The following SLC25A21 variants were observed in gnomAD, a reference collection of about 807,000 sequenced individuals.
SLC25A21 encodes the protein mitochondrial 2-oxodicarboxylate carrier.
A neutral mutation model predicts 43.8 loss-of-function variants in SLC25A21; 47 were observed. The ratio of observed to expected loss-of-function variants is 1.07; its 90% CI spans 0.85 to 1.37. The LOEUF (loss-of-function observed/expected upper bound fraction) is 1.37, where lower values mean the gene tolerates loss of function less well. Among genes scored for constraint, SLC25A21 ranks in the 40% most tolerant of loss-of-function variants. SLC25A21 has a pLI of 0.00. For synonymous variants in SLC25A21, 131 were observed against 121.3 expected (o/e 1.08, Z -0.52); for missense variants, 352 against 350.2 (o/e 1.00, Z -0.04).
chr14:36,924,519 C>T (rs1299859058), intron 1 of SLC25A21, among the ~76,000 whole-genome samples: 1 of 151,572 alleles, frequency 6.6e-6, no homozygotes, highest in Non-Finnish European at 1.5e-5. Context: ...CACACTGGGG[C>T]CTGTTGTGGG....
At chr14:36,740,421 G>A (rs1345906904) in intron 3 of SLC25A21, among the ~76,000 whole-genome samples, 1 of 152,146 alleles carries the variant, frequency 6.6e-6, no homozygotes, top group Non-Finnish European at 1.5e-5. Context: ...AGACTAATGA[G>A]AGGTATTTTT....
chr14:36,994,040 C>G (rs1284612662), intron 1 of SLC25A21, among the ~76,000 whole-genome samples: 1 of 152,002 alleles, frequency 6.6e-6, no homozygotes, highest in Non-Finnish European at 1.5e-5. Flanking sequence ...ATTAGTAACC[C>G]TAGAGATTAG....
At chr14:36,946,542 T>A (rs574900637) in intron 1 of SLC25A21, among the ~76,000 whole-genome samples, 2 of 152,314 alleles carry the variant, frequency 1.3e-5, no homozygotes, top group African/African-American at 4.8e-5. Context: ...CATTAACATG[T>A]GCCCTTAAAC....
At chr14:36,766,937 C>T (rs1045849573) in intron 3 of SLC25A21, among the ~76,000 whole-genome samples, 2 of 152,192 alleles carry the variant, frequency 1.3e-5, no homozygotes, top group African/African-American at 4.8e-5. Flanking sequence ...TCAGCCTCTA[C>T]TGCGGTCAAT....
rs1339278477 is a variant in SLC25A21, at chr14:36,871,612, AT to A, written c.119+3343del. ...CAACATACATGTACTATTTTGATAAATATTAAAATAAATAACATAAACCATA... is the reference window on the plus strand; with the variant it reads ...CAACATACATGTACTATTTTGATAAAATTAAAATAAATAACATAAACCATA... On this transcript the variant is annotated intron_variant, in intron 2 of 9. Transcript: ENST00000331299. Among the ~76,000 whole-genome samples the A allele has an allele frequency of 7.9e-5, 12 of 152,330 alleles. No individual in the cohort carries two copies. The South Asian group carries it at 2.3e-3, about 29-fold the overall frequency.
chr14:36,779,823 T>C (rs983324029), intron 3 of SLC25A21, among the ~76,000 whole-genome samples: 1 of 151,510 alleles, frequency 6.6e-6, no homozygotes, highest in African/African-American at 2.4e-5. Context: ...AGAAGTGGGA[T>C]TTCTGGATAC....
chr14:36,914,457 A>T (rs914393624), intron 1 of SLC25A21, among the ~76,000 whole-genome samples: 4 of 152,234 alleles, frequency 2.6e-5, no homozygotes, highest in Non-Finnish European at 5.9e-5. Flanking sequence ...TACATAAAGC[A>T]GTGCTGTTTC....
At chr14:36,716,864 G>T (rs1435359448) in intron 6 of SLC25A21, among the ~76,000 whole-genome samples, 1 of 152,152 alleles carries the variant, frequency 6.6e-6, no homozygotes, top group Non-Finnish European at 1.5e-5. Flanking sequence ...CATCTCTAAG[G>T]CCAAAGAAGA....
At chr14:36,897,331 C>T (rs180713614) in intron 1 of SLC25A21, among the ~76,000 whole-genome samples, 19 of 152,290 alleles carry the variant, frequency 1.2e-4, no homozygotes, top group African/African-American at 3.1e-4. Flanking sequence ...TTGATCGAAT[C>T]GGCTACTGAG....
chr14:36,743,751 G>A (rs1384317993), intron 3 of SLC25A21, among the ~76,000 whole-genome samples: 1 of 152,054 alleles, frequency 6.6e-6, no homozygotes, highest in Non-Finnish European at 1.5e-5. Context: ...AATTGGAAAA[G>A]GAAGTCAAAT....
intron 2 of SLC25A21, among the ~76,000 whole-genome samples, chr14:36,865,604 A>T (rs116443073): frequency 0.011 from 1,666 of 152,298 alleles, 37 homozygotes; most frequent in African/African-American, 0.038. Context: ...TTAAGAAAAA[A>T]AAAAAGGAAT....
At chr14:36,986,911 A>G (rs1297352130) in intron 1 of SLC25A21, among the ~76,000 whole-genome samples, 1 of 152,114 alleles carries the variant, frequency 6.6e-6, no homozygotes, top group East Asian at 1.9e-4. Context: ...CTAATCAACC[A>G]TATTTTGTCT....
intron 3 of SLC25A21, among the ~76,000 whole-genome samples, chr14:36,785,894 T>C (rs1296389200): frequency 6.6e-6 from 1 of 152,208 alleles, no homozygotes; most frequent in Non-Finnish European, 1.5e-5. Context: ...AGTCAAGTGC[T>C]TAATGTACAG....
chr14:37,011,422 T>C (rs748469736), intron 1 of SLC25A21, among the ~76,000 whole-genome samples: 19 of 151,802 alleles, frequency 1.3e-4, no homozygotes, highest in African/African-American at 3.9e-4. Flanking sequence ...TAAAGATTTA[T>C]GTTTTTTGTG....
intron 1 of SLC25A21, among the ~76,000 whole-genome samples, chr14:37,145,747 T>C (rs1398180412): frequency 1.3e-5 from 2 of 152,146 alleles, no homozygotes; most frequent in African/African-American, 2.4e-5. Flanking sequence ...AGATACTCTA[T>C]ACTTCTTCTA....
chr14:36,894,583 A>G (rs1043100995), intron 1 of SLC25A21, among the ~76,000 whole-genome samples: 2 of 152,072 alleles, frequency 1.3e-5, no homozygotes, highest in Middle Eastern at 3.4e-3. Flanking sequence ...TATGTTGAAT[A>G]GGAGTGGTGA....
intron 2 of SLC25A21, among the ~76,000 whole-genome samples, chr14:36,864,964 A>G (rs1890171834): frequency 6.6e-6 from 1 of 151,410 alleles, no homozygotes; most frequent in South Asian, 2.1e-4. Flanking sequence ...TCTTGTCTAT[A>G]CCCCATCCTC....
intron 7 of SLC25A21, among the ~76,000 whole-genome samples, chr14:36,709,445 C>T (rs750153261): frequency 1.3e-5 from 2 of 152,214 alleles, no homozygotes; most frequent in East Asian, 3.8e-4. Context: ...TCATCCAGAA[C>T]CACAGTGTTT....
intron 3 of SLC25A21, among the ~76,000 whole-genome samples, chr14:36,764,143 G>GGAAGGAAA (rs1886294717): frequency 3.0e-5 from 1 of 33,802 alleles, no homozygotes; most frequent in Non-Finnish European, 5.6e-5. Context: ...AAGGAAAGAA[G>GGAAGGAAA]GAAAGAAAGA....
Sources: gnomAD v4.1 joint callset for allele counts (sites outside exome capture counted in the v4.1 genomes callset) on GRCh38, gnomAD v4.1.1 for gene constraint, MANE v1.5 for transcripts, NCBI Gene and HGNC (gene_info 2026-07-23, HGNC 2026-07-21) for gene names.